The following DNAAF5 variants were observed in gnomAD, a reference collection of about 807,000 sequenced individuals.
The protein encoded by DNAAF5 is dynein axonemal assembly factor 5, also known as HEAT repeat containing 2.
DNAAF5 carries 64 observed loss-of-function variants against 75.8 expected under a neutral mutation model. The ratio of observed to expected loss-of-function variants is 0.84; its 90% confidence interval spans 0.69 to 1.04. The LOEUF (loss-of-function observed/expected upper bound fraction) is 1.04. Among genes scored for constraint, DNAAF5 ranks in the 50% least tolerant of loss-of-function variants. DNAAF5 has a pLI of 0.00. For synonymous variants in DNAAF5, 657 were observed against 557.2 expected, an observed-to-expected ratio of 1.18 and a Z score of -2.52; for missense variants, 1,269 against 1,178.5, an observed-to-expected ratio of 1.08 and a Z score of -1.12.
chr7:738,945 G>A (rs538972696), intron 2 of DNAAF5, among the ~76,000 whole-genome samples: 5 of 152,352 alleles, frequency 3.3e-5, no homozygotes, highest in African/African-American at 4.8e-5. Context: ...CAAACCCAGC[G>A]AGTTCAGACT....
At chr7:753,773 C>CAT (rs1782386350) in intron 4 of DNAAF5, among the ~76,000 whole-genome samples, 1 of 138,664 alleles carries the variant, frequency 7.2e-6, no homozygotes, top group African/African-American at 2.8e-5. Context: ...GCTTCGCAGG[C>CAT]GTGTCTCTCT....
At chr7:757,912 A>G (rs1782538608) in intron 6 of DNAAF5, among the ~76,000 whole-genome samples, 2 of 152,222 alleles carry the variant, frequency 1.3e-5, no homozygotes, top group Admixed American at 6.5e-5. Context: ...CTGTGCTCTC[A>G]GCCCGGCCTG....
intron 1 of DNAAF5, among the ~76,000 whole-genome samples, chr7:729,383 G>A (rs1041110382): frequency 2.0e-5 from 3 of 152,214 alleles, no homozygotes; most frequent in African/African-American, 7.2e-5. Context: ...GCCACAATGG[G>A]TTTGCACCCC....
chr7:731,923 C>T (rs368049276), intron 2 of DNAAF5, among the ~76,000 whole-genome samples: 1 of 152,160 alleles, frequency 6.6e-6, no homozygotes, highest in Non-Finnish European at 1.5e-5. Context: ...ACCTCCACCC[C>T]CTCAACAACC....
intron 11 of DNAAF5, among the ~76,000 whole-genome samples, chr7:776,025 T>C (rs777839160): frequency 5.3e-5 from 8 of 152,166 alleles, no homozygotes; most frequent in Non-Finnish European, 8.8e-5. Context: ...AGTTTGATGG[T>C]GGCTTGTTTT....
chr7:740,280 G>T (rs77832013), intron 2 of DNAAF5, among the ~76,000 whole-genome samples: 1 of 152,194 alleles, frequency 6.6e-6, no homozygotes, highest in South Asian at 2.1e-4. Flanking sequence ...AGAGGCCCTC[G>T]TGCCCCCTCT....
chr7:785,813 C>G lies in DNAAF5; in HGVS notation c.*160C>G. ...GCCCACTCTTTCCCTGGAATAACAG[C>G]CTCTGAGTGGATTCTGCATGTTATG... On this transcript the variant is annotated 3_prime_UTR_variant, in exon 13 of 13. Coordinates refer to ENST00000297440, the MANE Select transcript of DNAAF5 (RefSeq NM_017802.4). The G allele has an allele frequency of 1.4e-6, 1 of 721,442 alleles. No homozygotes were observed. Among genetic ancestry groups the G allele is most frequent in the Non-Finnish European group, 2.2e-6 (1 of 452,492 alleles). The allele number at this position is 721,442 out of a possible 1,614,324, so 44.7% of individuals were successfully genotyped here.
At chr7:776,097 T>C (rs751583667) in intron 11 of DNAAF5, among the ~76,000 whole-genome samples, 2 of 152,030 alleles carry the variant, frequency 1.3e-5, no homozygotes, top group Non-Finnish European at 1.5e-5. Flanking sequence ...CCCAGCACTT[T>C]GGGAGGCTGA....
At chr7:757,237 C>T (rs2128079075) in intron 6 of DNAAF5, among the ~76,000 whole-genome samples, 1 of 152,372 alleles carries the variant, frequency 6.6e-6, no homozygotes, top group African/African-American at 2.4e-5. Flanking sequence ...CTGTGCAGAG[C>T]TCCAGCCCCA....
At chr7:755,322 G>A (rs1325413245) in intron 5 of DNAAF5, among the ~76,000 whole-genome samples, 4 of 152,104 alleles carry the variant, frequency 2.6e-5, no homozygotes, top group East Asian at 1.9e-4. Context: ...GCTGGTTATC[G>A]CCTCGTCACC....
chr7:727,180 G>A lies in DNAAF5; in HGVS notation c.460G>A (p.Asp154Asn). The change falls in exon 1 of 13, where the codon GAC (aspartate) becomes AAC (asparagine). Residue 154 changes from aspartate (D) to asparagine (N), a missense_variant. Coordinates refer to ENST00000297440, the MANE Select transcript of DNAAF5 (RefSeq NM_017802.4). ...ALVQLLGLAV[D>N]LCGAALAPHL... The stretch of plus-strand genomic sequence containing the variant: ...TGTGCAGCTGCTGGGCCTGGCCGTG[G>A]ACCTGTGCGGCGCCGCGCTCGCGCC... 3.0e-6 allele frequency: 4 copies of A among 1,338,844 alleles called. No homozygotes were observed. Among genetic ancestry groups the A allele is most frequent in the South Asian group, 1.7e-5 (1 of 59,512 alleles). 82.9% of individuals were successfully genotyped at this position (1,338,844 alleles called of 1,614,324 possible).
chr7:750,502 A>G (rs1202636638), intron 4 of DNAAF5, among the ~76,000 whole-genome samples: 1 of 152,106 alleles, frequency 6.6e-6, no homozygotes, highest in African/African-American at 2.4e-5. Flanking sequence ...AAATTGTTCT[A>G]CCTCAGATCA....
intron 6 of DNAAF5, among the ~76,000 whole-genome samples, chr7:761,397 T>A (rs1583502352): frequency 2.0e-5 from 3 of 152,288 alleles, no homozygotes; most frequent in Non-Finnish European, 4.4e-5. Context: ...CTAATAAAGA[T>A]CTACCACAGA....
chr7:733,686 C>G (rs944562809), intron 2 of DNAAF5, among the ~76,000 whole-genome samples: 4 of 152,010 alleles, frequency 2.6e-5, no homozygotes, highest in Non-Finnish European at 4.4e-5. Flanking sequence ...TTAGTAGAGA[C>G]AGTTTCACCA....
Position 779,982 on chromosome 7 carries a change from A to C in DNAAF5, c.2269A>C (p.Asn757His). The change falls in exon 12 of 13, where the codon AAC becomes CAC. Residue 757 changes from asparagine (N) to histidine (H), a missense_variant. Transcript: ENST00000297440. ...CTTAAAACGCCTAGATGACGTGTCC[A>C]ACGATGTGAGGATGGCAGCCGCCTC... Reference protein sequence around the residue: ...ELLKRLDDVSNDVRMAAASTL... With the variant: ...ELLKRLDDVSHDVRMAAASTL... 1 of 1,614,192 alleles carries C rather than the reference A, an allele frequency of 6.2e-7. No homozygotes were observed. The highest frequency in any genetic ancestry group is 8.5e-7 in the Non-Finnish European group (1 of 1,180,030).
chr7:757,437 C>T (rs1195925649), intron 6 of DNAAF5, among the ~76,000 whole-genome samples: 1 of 152,244 alleles, frequency 6.6e-6, no homozygotes, highest in African/African-American at 2.4e-5. Context: ...CGCACGTCCA[C>T]CATCCCATCC....
At chr7:784,902 T>C (rs138773987) in intron 12 of DNAAF5, among the ~76,000 whole-genome samples, 1 of 152,326 alleles carries the variant, frequency 6.6e-6, no homozygotes, top group East Asian at 1.9e-4. Flanking sequence ...TGAATGCACG[T>C]TGTGACTGCC....
At chr7:783,339 G>T (rs1158054543) in intron 12 of DNAAF5, among the ~76,000 whole-genome samples, 1 of 152,180 alleles carries the variant, frequency 6.6e-6, no homozygotes, top group African/African-American at 2.4e-5. Context: ...CCGTGTGCTC[G>T]AGGGTGAGTG....
rs191171858 is a variant in DNAAF5, at chr7:752,841, A to T, written c.1025-1748A>T. ...GTATGTAAGGATTTATCTCCAGAGT[A>T]TAGGAAGAGCTCTTGAAACTCAGCA... is the stretch of plus-strand genomic sequence containing the variant. On this transcript the variant is annotated intron_variant, in intron 4 of 12. Coordinates refer to ENST00000297440, the MANE Select transcript of DNAAF5 (RefSeq NM_017802.4). Among the ~76,000 whole-genome samples, 599 of 152,380 alleles carry T rather than the reference A, an allele frequency of 3.9e-3. 8 individuals carry two copies. Among genetic ancestry groups the T allele is most frequent in the African/African-American group, 0.014 (570 of 41,590 alleles).
Sources: allele counts gnomAD v4.1 joint callset (sites outside exome capture counted in the v4.1 genomes callset), GRCh38; gene constraint gnomAD v4.1.1; transcripts MANE v1.5; gene names NCBI Gene and HGNC (gene_info 2026-07-23, HGNC 2026-07-21).